The following CNTN1 variants were observed in gnomAD, a reference collection of about 807,000 sequenced individuals.
CNTN1 encodes the protein contactin 1.
Under a neutral mutation model 126.4 loss-of-function variants are expected in CNTN1, and 38 were observed. The ratio of observed to expected loss-of-function variants is 0.30; its 90% confidence interval spans 0.23 to 0.39. The LOEUF (loss-of-function observed/expected upper bound fraction) is 0.39. Ranked by LOEUF, CNTN1 falls within the 10% of genes least tolerant of loss-of-function variation. The pLI, the probability that CNTN1 is intolerant of heterozygous loss-of-function variation, is 1.00. For missense variants in CNTN1, 1,009 were observed against 1,248.4 expected (o/e 0.81, Z 2.89); for synonymous variants, 413 against 422.6 (o/e 0.98, Z 0.28).
intron 1 of CNTN1, among the ~76,000 whole-genome samples, chr12:40,883,737 T>G (rs1446608323): frequency 1.3e-5 from 2 of 151,622 alleles, no homozygotes; most frequent in Non-Finnish European, 3.0e-5. Flanking sequence ...AGGGAACTTG[T>G]TACAGGCTTA....
intron 1 of CNTN1, among the ~76,000 whole-genome samples, chr12:40,855,246 T>C (rs997795943): frequency 3.3e-5 from 5 of 152,160 alleles, no homozygotes; most frequent in African/African-American, 1.2e-4. Flanking sequence ...TGAATTGACA[T>C]AAACATTCAT....
chr12:40,902,926 G>T (rs181167592), intron 1 of CNTN1, among the ~76,000 whole-genome samples: 40 of 152,286 alleles, frequency 2.6e-4, no homozygotes, highest in Middle Eastern at 3.4e-3. Flanking sequence ...TTGTCTAAAG[G>T]AAAGAGGGAG....
chr12:40,741,984 A>C (rs76955851), intron 1 of CNTN1, among the ~76,000 whole-genome samples: 2,274 of 152,086 alleles, frequency 0.015, 22 homozygotes, highest in African/African-American at 0.026. Context: ...AGGGGGAAAA[A>C]GTCTAAGCTT....
At chr12:40,969,727 G>A (rs1325814900) in intron 15 of CNTN1, among the ~76,000 whole-genome samples, 1 of 152,124 alleles carries the variant, frequency 6.6e-6, no homozygotes, top group African/African-American at 2.4e-5. Context: ...ATTTTCCAGG[G>A]CACCCCTGAA....
chr12:40,828,558 G>A (rs1322493455), intron 1 of CNTN1, among the ~76,000 whole-genome samples: 1 of 152,130 alleles, frequency 6.6e-6, no homozygotes, highest in African/African-American at 2.4e-5. Flanking sequence ...CTGCAAACTG[G>A]GGAGGGGCAG....
At chr12:40,748,476 A>C (rs1938269886) in intron 1 of CNTN1, among the ~76,000 whole-genome samples, 1 of 152,252 alleles carries the variant, frequency 6.6e-6, no homozygotes, top group African/African-American at 2.4e-5. Flanking sequence ...TGCTGAAATA[A>C]TTAAAACTTT....
chr12:40,763,837 A>T (rs1592060592), intron 1 of CNTN1, among the ~76,000 whole-genome samples: 1 of 152,134 alleles, frequency 6.6e-6, no homozygotes, highest in Non-Finnish European at 1.5e-5. Flanking sequence ...CTTATTTCCC[A>T]CTCAATGGTC....
At chr12:41,041,536 A>G (rs1434783977) in intron 23 of CNTN1, among the ~76,000 whole-genome samples, 1 of 152,132 alleles carries the variant, frequency 6.6e-6, no homozygotes, top group East Asian at 1.9e-4. Context: ...CTGTGAATCC[A>G]TCTGGTCCTG....
chr12:40,745,041 A>G (rs907806850), intron 1 of CNTN1, among the ~76,000 whole-genome samples: 3 of 152,138 alleles, frequency 2.0e-5, no homozygotes, highest in Non-Finnish European at 4.4e-5. Flanking sequence ...TTGTCACATA[A>G]TCTTCATAAT....
chr12:40,843,750 A>T (rs1192629359), intron 1 of CNTN1, among the ~76,000 whole-genome samples: 1 of 152,220 alleles, frequency 6.6e-6, no homozygotes, highest in Non-Finnish European at 1.5e-5. Flanking sequence ...GATCTAGACC[A>T]AAAAGAATAT....
chr12:40,969,369 G>A (rs759388983), intron 15 of CNTN1, among the ~76,000 whole-genome samples: 14 of 152,084 alleles, frequency 9.2e-5, no homozygotes, highest in Non-Finnish European at 1.8e-4. Flanking sequence ...TCCTACAATA[G>A]CTTCTCCAAC....
rs58087551 is a variant in CNTN1 at position 40,948,258 on chromosome 12, C to CTTTTTT, written c.1683+4106_1683+4111dup. On this transcript the variant is annotated intron_variant, in intron 14 of 23. Coordinates refer to ENST00000551295, the MANE Select transcript of CNTN1 (RefSeq NM_001843.4). ...TTTGCTAGCTAGTTTTTCTTTCTTT[C>CTTTTTT]TTTTTTTTTTTTTTTTTTTTTTTGA... Among the ~76,000 whole-genome samples, 375 of 62,668 alleles carry CTTTTTT rather than the reference C, an allele frequency of 6.0e-3. 3 individuals are homozygous for CTTTTTT. Among genetic ancestry groups the CTTTTTT allele is most frequent in the Admixed American group, 6.9e-3 (27 of 3,924 alleles). 41.1% of individuals were successfully genotyped at this position (62,668 alleles called of 152,430 possible).
chr12:40,985,367 A>G (rs1947931472), intron 16 of CNTN1, among the ~76,000 whole-genome samples: 1 of 151,986 alleles, frequency 6.6e-6, no homozygotes, highest in South Asian at 2.1e-4. Context: ...TATAATTTGC[A>G]TTACTAAGAA....
intron 1 of CNTN1, among the ~76,000 whole-genome samples, chr12:40,881,404 T>A (rs4427615): frequency 6.6e-6 from 1 of 151,558 alleles, no homozygotes; most frequent in Non-Finnish European, 1.5e-5. Context: ...TGTCTATTAG[T>A]TTATCCAATA....
intron 16 of CNTN1, among the ~76,000 whole-genome samples, chr12:40,982,186 G>C (rs965257372): frequency 6.6e-5 from 10 of 152,040 alleles, no homozygotes; most frequent in Admixed American, 1.3e-4. Flanking sequence ...GTATAAAGTT[G>C]CAATAAATTA....
Position 40,837,919 on chromosome 12 carries a change from C to T in CNTN1, c.-76-70438C>T, listed in dbSNP as rs934073083. The stretch of plus-strand genomic sequence containing the variant: ...CCACTGGTAGTGGTGGAGTATGAGA[C>T]AGACCTGTGTTTTCTACCAGCTATG... On this transcript the variant is annotated intron_variant, in intron 1 of 23. Transcript: ENST00000551295. 2.6e-5 allele frequency among the ~76,000 whole-genome samples: 4 copies of T among 152,122 alleles called. No homozygotes were observed. In the South Asian group the frequency reaches 6.2e-4, roughly 24 times the overall value.
intron 15 of CNTN1, among the ~76,000 whole-genome samples, chr12:40,977,776 G>A (rs777590945): frequency 1.2e-4 from 2 of 16,908 alleles, no homozygotes; most frequent in South Asian, 2.4e-3. Flanking sequence ...GTTTTGTTTT[G>A]TTTTGTTTTG....
chr12:41,043,211 G>A (rs1157748728), intron 23 of CNTN1, among the ~76,000 whole-genome samples: 2 of 152,156 alleles, frequency 1.3e-5, no homozygotes, highest in South Asian at 2.1e-4. Flanking sequence ...GAGTGAACAG[G>A]CAACCTACAA....
At chr12:40,750,727 G>A (rs1466427209) in intron 1 of CNTN1, among the ~76,000 whole-genome samples, 5 of 152,052 alleles carry the variant, frequency 3.3e-5, no homozygotes, top group Non-Finnish European at 7.4e-5. Context: ...TAAGGGAAGA[G>A]AAATGAGACA....
Sources: gnomAD v4.1 joint callset for allele counts (sites outside exome capture counted in the v4.1 genomes callset) on GRCh38, gnomAD v4.1.1 for gene constraint, MANE v1.5 for transcripts, NCBI Gene and HGNC (gene_info 2026-07-23, HGNC 2026-07-21) for gene names.